TTLL6: variants seen among roughly 807,000 people sequenced by gnomAD.
TTLL6 encodes the protein tubulin tyrosine ligase like 6, also known as tubulin polyglutamylase TTLL6.
TTLL6 carries 75 observed loss-of-function variants against 96.4 expected under a neutral mutation model. That is an observed-to-expected ratio of 0.78 (90% CI 0.65 to 0.94). The LOEUF (loss-of-function observed/expected upper bound fraction) is 0.94. TTLL6 is among the 40% of genes least tolerant of loss of function. TTLL6 has a pLI of 0.00. For missense variants in TTLL6, 1,030 were observed against 1,093.0 expected, an observed-to-expected ratio of 0.94 and a Z score of 0.81; for synonymous variants, 411 against 419.4, an observed-to-expected ratio of 0.98 and a Z score of 0.24.
chr17:48,808,609 C>T (rs1296100860), intron 1 of TTLL6, among the ~76,000 whole-genome samples: 2 of 152,120 alleles, frequency 1.3e-5, no homozygotes, highest in African/African-American at 2.4e-5. Flanking sequence ...CATTCTGTCA[C>T]CCAGGCTGGA....
chr17:48,766,194 TG>T (rs1324037776), intron 15 of TTLL6, among the ~76,000 whole-genome samples: 10 of 152,178 alleles, frequency 6.6e-5, no homozygotes, highest in Admixed American at 2.0e-4. Context: ...GGGATGTACC[TG>T]GAGCTTGGGG....
At chr17:48,814,012 C>A (rs909192850) in intron 1 of TTLL6, among the ~76,000 whole-genome samples, 1 of 152,018 alleles carries the variant, frequency 6.6e-6, no homozygotes, top group Non-Finnish European at 1.5e-5. Flanking sequence ...GGACTAAGTG[C>A]TTTAGAGAGT....
chr17:48,770,953 A>C (rs540546387), intron 13 of TTLL6, among the ~76,000 whole-genome samples: 87 of 152,088 alleles, frequency 5.7e-4, no homozygotes, highest in Non-Finnish European at 8.7e-4. Flanking sequence ...AAACAACCAA[A>C]CAAACAAACA....
intron 13 of TTLL6, among the ~76,000 whole-genome samples, chr17:48,778,255 C>G (rs1256203810): frequency 6.8e-6 from 1 of 146,498 alleles, no homozygotes; most frequent in South Asian, 2.2e-4. Context: ...CCAGCCTGGC[C>G]TACAGAGCGA....
rs753907659 is a variant in TTLL6, at chr17:48,791,531, C to T, written c.1071G>A (p.Glu357=). The T allele has an allele frequency of 6.2e-7, 1 of 1,614,158 alleles. No homozygotes were observed. Residue 357 remains glutamate, a synonymous_variant, in exon 9 of 16, where the codon GAG becomes GAA. Coordinates refer to ENST00000393382, the MANE Select transcript of TTLL6 (RefSeq NM_001130918.3). ...AGATGAGGGTCTTGATGATGACGTC[C>T]TCAATATCCCTCCATATCTGCTCCA... ...YNVEQIWRDI[E]DVIIKTLISA... is the part of the protein sequence containing the mutation.
chr17:48,801,438 A>G (rs1159230807), intron 4 of TTLL6, 53 bp from the exon 5 acceptor site: 4 of 1,551,328 alleles, frequency 2.6e-6, no homozygotes, highest in East Asian at 4.9e-5. Context: ...GAGTACTACA[A>G]GATCTCCTCG....
chr17:48,809,395 A>G (rs927956519), intron 1 of TTLL6, among the ~76,000 whole-genome samples: 2 of 152,172 alleles, frequency 1.3e-5, no homozygotes, highest in East Asian at 3.8e-4. Context: ...AACGGCTCCT[A>G]TGTACCAAGC....
intron 13 of TTLL6, among the ~76,000 whole-genome samples, chr17:48,781,573 C>G (rs915296265): frequency 2.6e-5 from 4 of 152,144 alleles, no homozygotes; most frequent in Non-Finnish European, 5.9e-5. Context: ...AGCATCTTTT[C>G]ATGCTATTGG....
intron 2 of TTLL6, chr17:48,804,174 G>T (rs1275616784): frequency 2.6e-5 from 15 of 586,904 alleles, no homozygotes; most frequent in Non-Finnish European, 4.6e-5. Context: ...AATTACAGCT[G>T]ATCTTGCTTG....
chr17:48,778,404 C>A (rs530136389), intron 13 of TTLL6, among the ~76,000 whole-genome samples: 2 of 151,704 alleles, frequency 1.3e-5, no homozygotes, highest in African/African-American at 4.8e-5. Flanking sequence ...AAATTTTTCA[C>A]TAATCAAAAA....
rs547724669 is a variant in TTLL6 at position 48,799,785 on chromosome 17, A to T, written c.612-25T>A. On this transcript the variant is annotated intron_variant, in intron 5 of 15. Coordinates refer to ENST00000393382, the MANE Select transcript of TTLL6 (RefSeq NM_001130918.3). ...GCTACCAGAGCAGGGAGGGAACAAG[A>T]TACATCTTTAGCTGGGGAGCAATGA... 259 of 1,547,446 alleles carry T rather than the reference A, an allele frequency of 1.7e-4. 1 individual carries two copies. In the South Asian group the frequency reaches 2.9e-3, roughly 17 times the overall value.
Position 48,796,131 on chromosome 17 carries a change from G to T in TTLL6, c.928C>A (p.His310Asn), listed in dbSNP as rs375529698. The T allele has an allele frequency of 4.5e-6, 7 of 1,551,236 alleles. No homozygotes were observed. In the Middle Eastern group the frequency reaches 1.0e-3, roughly 221 times the overall value. The change falls in exon 8 of 16, where the codon CAC (histidine) becomes AAC (asparagine). Residue 310 changes from histidine to asparagine, a missense_variant. By Grantham distance (68) the His-to-Asn change is moderately conservative. Transcript: ENST00000393382. ...CTDNLDDICM[H>N]LTNYSINKHS... ...TTATTAATGGAATAATTAGTCAGGTGCATGCAGATATCATCCTGGGGAAAA... is the reference window on the plus strand; with the variant it reads ...TTATTAATGGAATAATTAGTCAGGTTCATGCAGATATCATCCTGGGGAAAA...
intron 6 of TTLL6, among the ~76,000 whole-genome samples, chr17:48,798,076 C>G (rs1440645996): frequency 2.0e-5 from 3 of 152,014 alleles, no homozygotes; most frequent in Non-Finnish European, 2.9e-5. Flanking sequence ...CCGCTGCACT[C>G]CAGCCTGGGT....
intron 1 of TTLL6, among the ~76,000 whole-genome samples, chr17:48,816,717 T>G (rs1276244996): frequency 6.6e-6 from 1 of 152,072 alleles, no homozygotes; most frequent in East Asian, 1.9e-4. Flanking sequence ...CTTGGTGGAC[T>G]GTGGTTTAGG....
intron 8 of TTLL6, among the ~76,000 whole-genome samples, chr17:48,792,704 G>A (rs1308088019): frequency 1.3e-5 from 2 of 152,172 alleles, no homozygotes; most frequent in Non-Finnish European, 2.9e-5. Context: ...AACCAAGGAT[G>A]CATTTATATA....
intron 1 of TTLL6, among the ~76,000 whole-genome samples, chr17:48,810,597 G>A (rs900422679): frequency 7.2e-5 from 11 of 151,954 alleles, no homozygotes; most frequent in Non-Finnish European, 1.5e-5. Context: ...TCGGGAGGCC[G>A]AGGTAAGGGA....
Position 48,817,142 on chromosome 17 carries a change from G to C in TTLL6, c.-70C>G. The C allele has an allele frequency of 8.4e-7, 1 of 1,194,396 alleles. No individual in the cohort carries two copies. The highest frequency in any genetic ancestry group is 1.4e-5 in the South Asian group (1 of 70,122). 74.0% of individuals were successfully genotyped at this position (1,194,396 alleles called of 1,614,324 possible). A position where few individuals can be genotyped will look rare whatever the true frequency, so the allele number is the denominator to read the frequency against. On this transcript the variant is annotated 5_prime_UTR_variant, in exon 1 of 16. Coordinates refer to ENST00000393382, the MANE Select transcript of TTLL6 (RefSeq NM_001130918.3). ...TTGGGTCCGCCCGGCCCTCATATTT[G>C]CATACGGGGCCTTCTAGGCCTTCGA...
chr17:48,806,583 A>G (rs555142957), intron 1 of TTLL6, among the ~76,000 whole-genome samples: 1 of 152,268 alleles, frequency 6.6e-6, no homozygotes, highest in East Asian at 1.9e-4. Flanking sequence ...TTTGGATTTA[A>G]AAAAAGATAA....
At chr17:48,799,517 C>A in intron 6 of TTLL6, 87 bp downstream of exon 6, 1 of 1,373,654 alleles carries the variant, frequency 7.3e-7, no homozygotes, top group Middle Eastern at 2.4e-4. Context: ...CCTTCACCCT[C>A]CATCCCCTCA....
Sources: gnomAD v4.1 joint callset for allele counts (sites outside exome capture counted in the v4.1 genomes callset) on GRCh38, gnomAD v4.1.1 for gene constraint, MANE v1.5 for transcripts, NCBI Gene and HGNC (gene_info 2026-07-23, HGNC 2026-07-21) for gene names.